The following GALNT17 variants were observed in gnomAD, a reference collection of about 807,000 sequenced individuals.
GALNT17 encodes the protein UDP-GalNAc:polypeptide N-acetylgalactosaminyltransferase-like 3.
GALNT17 carries 29 observed loss-of-function variants against 63.7 expected under a neutral mutation model. That is an observed-to-expected ratio of 0.46 (90% CI 0.34 to 0.62). The LOEUF is 0.62. Ranked by LOEUF, GALNT17 falls within the 20% of genes least tolerant of loss-of-function variation. The pLI is 0.01. For synonymous variants in GALNT17, 305 were observed against 318.3 expected, an observed-to-expected ratio of 0.96 and a Z score of 0.45; for missense variants, 603 against 799.6, an observed-to-expected ratio of 0.75 and a Z score of 2.97.
chr7:71,206,513 T>C (rs1789274763), intron 1 of GALNT17, among the ~76,000 whole-genome samples: 1 of 152,134 alleles, frequency 6.6e-6, no homozygotes, highest in South Asian at 2.1e-4. Flanking sequence ...ATACTACTTT[T>C]TAAGATAAAA....
chr7:71,183,758 C>CT (rs1478537053), intron 1 of GALNT17, among the ~76,000 whole-genome samples: 3 of 152,056 alleles, frequency 2.0e-5, no homozygotes, highest in Admixed American at 2.0e-4. Context: ...ATTAGCTGGG[C>CT]GTGATGGCGG....
rs761584365 is a variant in GALNT17 at position 71,693,263 on chromosome 7, TACACACACAC to T, written c.1500+15995_1500+16004del. Among the ~76,000 whole-genome samples the T allele has an allele frequency of 6.6e-4, 72 of 108,890 alleles. 8 individuals carry two copies. In the East Asian group the frequency reaches 0.014, roughly 22 times the overall value. The allele number at this position is 108,890 out of a possible 152,430, so 71.4% of individuals were successfully genotyped here. A position where few individuals can be genotyped will look rare whatever the true frequency, so the allele number is the denominator to read the frequency against. ...ACACATATATATACACACACACACA[TACACACACAC>T]ACACACACACACACACACACACACA... is the stretch of plus-strand genomic sequence containing the variant. On this transcript the variant is annotated intron_variant, in intron 9 of 10. Coordinates refer to ENST00000333538, the MANE Select transcript of GALNT17 (RefSeq NM_022479.3).
At chr7:71,439,329 T>C (rs1446833493) in intron 5 of GALNT17, among the ~76,000 whole-genome samples, 2 of 152,152 alleles carry the variant, frequency 1.3e-5, no homozygotes, top group Non-Finnish European at 2.9e-5. Flanking sequence ...ACACCTTGCT[T>C]TTGGGTGAAA....
intron 2 of GALNT17, among the ~76,000 whole-genome samples, chr7:71,342,895 A>T (rs1792030042): frequency 6.6e-6 from 1 of 152,250 alleles, no homozygotes; most frequent in Non-Finnish European, 1.5e-5. Context: ...AATCTATACC[A>T]AAAAATGCAA....
chr7:71,344,923 A>C (rs1185251701), intron 2 of GALNT17, among the ~76,000 whole-genome samples: 3 of 152,178 alleles, frequency 2.0e-5, no homozygotes, highest in Admixed American at 2.0e-4. Flanking sequence ...CTTGTTAACC[A>C]GGAGAGAGAA....
At chr7:71,207,608 A>T (rs59026863) in intron 1 of GALNT17, among the ~76,000 whole-genome samples, 12,101 of 152,188 alleles carry the variant, frequency 0.08, 596 homozygotes, top group Middle Eastern at 0.15. Context: ...TGCCACGTGG[A>T]CTGCCTGAGC....
intron 6 of GALNT17, among the ~76,000 whole-genome samples, chr7:71,640,420 CTGTAAACTTGGTCAGAAATATAAAAT>C (rs2117005775): frequency 6.6e-6 from 1 of 152,242 alleles, no homozygotes; most frequent in African/African-American, 2.4e-5. Flanking sequence ...ATATCTGAGT[CTGTAAACTTGGTCAGAAATATAAAAT>C]ACATGTTGAT....
At chr7:71,236,696 C>T (rs1185633013) in intron 1 of GALNT17, among the ~76,000 whole-genome samples, 1 of 152,178 alleles carries the variant, frequency 6.6e-6, no homozygotes, top group African/African-American at 2.4e-5. Context: ...ACAATAGCAA[C>T]AAGAACCAGA....
intron 6 of GALNT17, among the ~76,000 whole-genome samples, chr7:71,620,050 A>G (rs1562712686): frequency 6.6e-6 from 1 of 151,980 alleles, no homozygotes; most frequent in Non-Finnish European, 1.5e-5. Flanking sequence ...AGATGATTGT[A>G]TGGTTTTTGT....
chr7:71,504,716 G>C (rs1415721319), intron 5 of GALNT17, among the ~76,000 whole-genome samples: 3 of 151,906 alleles, frequency 2.0e-5, no homozygotes, highest in Non-Finnish European at 4.4e-5. Context: ...TGTCAAATTT[G>C]CTGTCTGGTA....
chr7:71,228,622 C>T (rs1282809584), intron 1 of GALNT17, among the ~76,000 whole-genome samples: 1 of 152,178 alleles, frequency 6.6e-6, no homozygotes, highest in Non-Finnish European at 1.5e-5. Flanking sequence ...CATTCCTTGG[C>T]TTGTGGCGGC....
chr7:71,153,504 G>A lies in GALNT17; in HGVS notation c.238+20464G>A, dbSNP rs369026020. Among the ~76,000 whole-genome samples, 50 of 152,244 alleles carry A rather than the reference G, an allele frequency of 3.3e-4. 1 individual carries two copies. The highest frequency in any genetic ancestry group is 1.2e-3 in the African/African-American group (48 of 41,554). ...AGAAAGGTAGAGTCGATGATGGAAAGTCTGTTTTCATGTAAACAGTGGCTG... is the reference window on the plus strand; with the variant it reads ...AGAAAGGTAGAGTCGATGATGGAAAATCTGTTTTCATGTAAACAGTGGCTG... On this transcript the variant is annotated intron_variant, in intron 1 of 10. Transcript: ENST00000333538.
At chr7:71,553,223 G>A (rs868167866) in intron 5 of GALNT17, among the ~76,000 whole-genome samples, 22 of 151,980 alleles carry the variant, frequency 1.4e-4, no homozygotes, top group African/African-American at 4.8e-4. Flanking sequence ...GCTACTTTGG[G>A]GGCTGAGGTG....
At chr7:71,520,460 T>C (rs1584021760) in intron 5 of GALNT17, among the ~76,000 whole-genome samples, 1 of 150,924 alleles carries the variant, frequency 6.6e-6, no homozygotes, top group African/African-American at 2.4e-5. Context: ...GAGGCGGAGG[T>C]TGTAGTGAGC....
At chr7:71,488,084 C>T (rs28637989) in intron 5 of GALNT17, among the ~76,000 whole-genome samples, 2,103 of 151,166 alleles carry the variant, frequency 0.014, 43 homozygotes, top group African/African-American at 0.049. Context: ...GCGGAAGGAT[C>T]GCTTGAGTCC....
intron 6 of GALNT17, among the ~76,000 whole-genome samples, chr7:71,650,915 TA>T (rs1790744892): frequency 6.6e-6 from 1 of 152,182 alleles, no homozygotes; most frequent in Admixed American, 6.5e-5. Context: ...ATGTCTAAAT[TA>T]TCTTTATACC....
chr7:71,693,409 C>T (rs999101261), intron 9 of GALNT17, among the ~76,000 whole-genome samples: 1 of 151,082 alleles, frequency 6.6e-6, no homozygotes, highest in Admixed American at 6.6e-5. Context: ...TTGCATGTCC[C>T]TTCAATGATA....
intron 6 of GALNT17, among the ~76,000 whole-genome samples, chr7:71,663,604 C>T (rs548689988): frequency 6.6e-6 from 1 of 152,202 alleles, no homozygotes; most frequent in Non-Finnish European, 1.5e-5. Context: ...ACTTAGCCCA[C>T]AATTCCTCCT....
chr7:71,332,652 A>C (rs1791826831), intron 1 of GALNT17, among the ~76,000 whole-genome samples: 2 of 151,988 alleles, frequency 1.3e-5, no homozygotes, highest in East Asian at 3.9e-4. Context: ...TCTTTTCTTA[A>C]CAACTGGTTT....
Sources: gnomAD v4.1 joint callset for allele counts (sites outside exome capture counted in the v4.1 genomes callset) on GRCh38, gnomAD v4.1.1 for gene constraint, MANE v1.5 for transcripts, NCBI Gene and HGNC (gene_info 2026-07-23, HGNC 2026-07-21) for gene names.